The following SORCS3 variants were observed in gnomAD, a reference collection of about 807,000 sequenced individuals.
SORCS3 encodes the protein VPS10 domain-containing receptor SorCS3.
A neutral mutation model predicts 146.3 loss-of-function variants in SORCS3; 57 were observed. The observed-to-expected ratio is 0.39, with a 90% CI of 0.31 to 0.49. The LOEUF (loss-of-function observed/expected upper bound fraction) is 0.49, where lower values mean the gene tolerates loss of function less well. Ranked by LOEUF, SORCS3 falls within the 20% of genes least tolerant of loss-of-function variation. The pLI, the probability that SORCS3 is intolerant of heterozygous loss-of-function variation, is 0.92. For missense variants in SORCS3, 1,341 were observed against 1,575.5 expected (o/e 0.85, Z 2.52); for synonymous variants, 653 against 618.5 (o/e 1.06, Z -0.83).
chr10:105,144,580 A>G (rs2056117721), intron 8 of SORCS3, among the ~76,000 whole-genome samples: 1 of 152,154 alleles, frequency 6.6e-6, no homozygotes, highest in Non-Finnish European at 1.5e-5. Context: ...CAGGGCAGAC[A>G]TGGAATGTTA....
At chr10:105,040,167 T>G (rs1311980373) in intron 4 of SORCS3, among the ~76,000 whole-genome samples, 1 of 152,244 alleles carries the variant, frequency 6.6e-6, no homozygotes, top group Non-Finnish European at 1.5e-5. Context: ...CATGAAAAAC[T>G]TAGTCTTTGC....
intron 1 of SORCS3, among the ~76,000 whole-genome samples, chr10:104,800,782 C>T (rs191096288): frequency 6.6e-6 from 1 of 152,250 alleles, no homozygotes; most frequent in East Asian, 1.9e-4. Context: ...AATAGCTCCC[C>T]AGGATTCCTA....
intron 21 of SORCS3, among the ~76,000 whole-genome samples, chr10:105,246,317 C>A (rs986280250): frequency 6.6e-6 from 1 of 151,874 alleles, no homozygotes; most frequent in Admixed American, 6.6e-5. Context: ...GTTTTCTTTT[C>A]TTTTCTTTTT....
intron 3 of SORCS3, among the ~76,000 whole-genome samples, chr10:104,955,194 C>T (rs913332631): frequency 6.6e-6 from 1 of 151,792 alleles, no homozygotes; most frequent in Non-Finnish European, 1.5e-5. Context: ...TATCCCTAGT[C>T]TCTGGCAATC....
chr10:105,236,496 A>T (rs2056793628), intron 20 of SORCS3, among the ~76,000 whole-genome samples: 1 of 152,168 alleles, frequency 6.6e-6, no homozygotes, highest in African/African-American at 2.4e-5. Flanking sequence ...TTGGCTGTCA[A>T]GTCAGAGAAT....
chr10:104,695,981 ATG>A (rs1278177910), intron 1 of SORCS3, among the ~76,000 whole-genome samples: 2 of 137,514 alleles, frequency 1.5e-5, no homozygotes, highest in African/African-American at 2.7e-5. Context: ...TATATATAAT[ATG>A]TATTATATAC....
At chr10:104,840,529 G>A (rs999969136) in intron 1 of SORCS3, among the ~76,000 whole-genome samples, 1 of 152,166 alleles carries the variant, frequency 6.6e-6, no homozygotes, top group African/African-American at 2.4e-5. Flanking sequence ...GCTACTAGAA[G>A]GAAGAATCTG....
At chr10:104,963,167 C>G (rs1006786234) in intron 3 of SORCS3, among the ~76,000 whole-genome samples, 1 of 152,222 alleles carries the variant, frequency 6.6e-6, no homozygotes, top group South Asian at 2.1e-4. Context: ...TGATGGTTTC[C>G]TTAGATAGTT....
chr10:105,220,317 T>C lies in SORCS3; in HGVS notation c.2735-2799T>C, dbSNP rs373854566. Among the ~76,000 whole-genome samples, 49 of 152,310 alleles carry C rather than the reference T, an allele frequency of 3.2e-4. No individual in the cohort carries two copies. The South Asian group carries it at 8.9e-3, about 28-fold the overall frequency. ...GAAGCTGAATAAATGCAACCATGAGTGATGGTCTTTCAAGTTGTGAACGCC... is the reference window on the plus strand; with the variant it reads ...GAAGCTGAATAAATGCAACCATGAGCGATGGTCTTTCAAGTTGTGAACGCC... On this transcript the variant is annotated intron_variant, in intron 19 of 26. Coordinates refer to ENST00000369701, the MANE Select transcript of SORCS3 (RefSeq NM_014978.3).
intron 5 of SORCS3, among the ~76,000 whole-genome samples, chr10:105,070,737 C>A (rs2055551045): frequency 6.6e-6 from 1 of 152,190 alleles, no homozygotes; most frequent in Non-Finnish European, 1.5e-5. Context: ...TCAGGAGCAT[C>A]TGTTGAATAA....
At chr10:104,928,841 T>C (rs1048985282) in intron 3 of SORCS3, among the ~76,000 whole-genome samples, 1 of 152,166 alleles carries the variant, frequency 6.6e-6, no homozygotes, top group African/African-American at 2.4e-5. Flanking sequence ...CAGCCCTATG[T>C]CGAGGGCCTC....
chr10:104,878,187 A>G (rs1785054354), intron 2 of SORCS3, among the ~76,000 whole-genome samples: 1 of 152,190 alleles, frequency 6.6e-6, no homozygotes, highest in South Asian at 2.1e-4. Flanking sequence ...CCCATACTTC[A>G]TTCCAGAGCA....
At chr10:104,870,464 A>C (rs930591381) in intron 2 of SORCS3, among the ~76,000 whole-genome samples, 1 of 151,778 alleles carries the variant, frequency 6.6e-6, no homozygotes, top group South Asian at 2.1e-4. Flanking sequence ...GTTAACAACT[A>C]TTGTATTACT....
chr10:104,976,260 A>G (rs1470160400), intron 3 of SORCS3, among the ~76,000 whole-genome samples: 1 of 152,276 alleles, frequency 6.6e-6, no homozygotes, highest in Non-Finnish European at 1.5e-5. Context: ...GGACATGAAT[A>G]GACACTTCTC....
At chr10:104,991,113 T>C (rs1363478846) in intron 4 of SORCS3, among the ~76,000 whole-genome samples, 1 of 152,154 alleles carries the variant, frequency 6.6e-6, no homozygotes, top group African/African-American at 2.4e-5. Flanking sequence ...ATCCAGGACA[T>C]ACTTTTGACT....
intron 4 of SORCS3, among the ~76,000 whole-genome samples, chr10:104,996,297 G>A (rs2055027009): frequency 6.6e-6 from 1 of 152,116 alleles, no homozygotes; most frequent in African/African-American, 2.4e-5. Flanking sequence ...AGGAGAATTG[G>A]CCTTTTAAAC....
intron 6 of SORCS3, among the ~76,000 whole-genome samples, chr10:105,094,937 T>G (rs2055735353): frequency 6.6e-6 from 1 of 152,096 alleles, no homozygotes; most frequent in African/African-American, 2.4e-5. Context: ...AGGGAACAGG[T>G]AGGTAGCTTC....
intron 1 of SORCS3, chr10:104,664,846 C>G (rs2015749550): frequency 6.6e-6 from 1 of 152,326 alleles, no homozygotes. Context: ...GAGGAAGGAA[C>G]TCCTTCTCAG....
At chr10:104,871,273 G>A (rs1406389625) in intron 2 of SORCS3, among the ~76,000 whole-genome samples, 2 of 152,188 alleles carry the variant, frequency 1.3e-5, no homozygotes, top group African/African-American at 4.8e-5. Flanking sequence ...TTGTGACTTA[G>A]ACCTTGAAGG....
Sources: allele counts gnomAD v4.1 joint callset (sites outside exome capture counted in the v4.1 genomes callset), GRCh38; gene constraint gnomAD v4.1.1; transcripts MANE v1.5; gene names NCBI Gene and HGNC (gene_info 2026-07-23, HGNC 2026-07-21).